The following COL24A1 variants were observed in gnomAD, a reference collection of about 807,000 sequenced individuals.
COL24A1 encodes collagen type XXIV alpha 1 chain, also known as collagen alpha-1(XXIV) chain.
Under a neutral mutation model 253.9 loss-of-function variants are expected in COL24A1, and 224 were observed. That is an observed-to-expected ratio of 0.88 (90% confidence interval 0.79 to 0.99). COL24A1 has a LOEUF of 0.99. Among genes scored for constraint, COL24A1 ranks in the 50% least tolerant of loss-of-function variants. The probability of loss-of-function intolerance (pLI) is 0.00; values close to 1 mark genes in which losing one functional copy is unlikely to be tolerated. For missense variants in COL24A1, 2,131 were observed against 2,068.5 expected (o/e 1.03, Z -0.59); for synonymous variants, 685 against 673.7 (o/e 1.02, Z -0.26).
chr1:86,106,500 C>T (rs990940645), intron 5 of COL24A1, among the ~76,000 whole-genome samples: 4 of 152,132 alleles, frequency 2.6e-5, no homozygotes, highest in African/African-American at 9.7e-5. Flanking sequence ...ATCTTGACCA[C>T]AGATTGCCTG....
intron 5 of COL24A1, among the ~76,000 whole-genome samples, chr1:86,112,119 A>G (rs777092068): frequency 2.6e-5 from 4 of 152,196 alleles, no homozygotes; most frequent in Non-Finnish European, 4.4e-5. Flanking sequence ...GTTTTCATAA[A>G]CATTTGTTCA....
At chr1:85,999,751 A>G (rs1271633933) in intron 19 of COL24A1, among the ~76,000 whole-genome samples, 1 of 152,212 alleles carries the variant, frequency 6.6e-6, no homozygotes. Context: ...CCCATCTACA[A>G]TGAGTATAAA....
chr1:86,031,813 T>A, intron 14 of COL24A1, 65 bp downstream of exon 14: 2 of 1,326,616 alleles, frequency 1.5e-6, no homozygotes, highest in East Asian at 2.4e-5. Context: ...CAAAAACACA[T>A]CTAACACATA....
chr1:85,969,178 T>C (rs914907727), intron 22 of COL24A1, among the ~76,000 whole-genome samples: 6 of 152,184 alleles, frequency 3.9e-5, no homozygotes, highest in Non-Finnish European at 8.8e-5. Flanking sequence ...AGTTTTTCTG[T>C]TAAATAATTC....
intron 19 of COL24A1, among the ~76,000 whole-genome samples, chr1:85,991,073 A>C (rs1379312274): frequency 6.6e-6 from 1 of 152,246 alleles, no homozygotes; most frequent in Non-Finnish European, 1.5e-5. Flanking sequence ...ACACAAAAAG[A>C]GATCACCAGA....
At chr1:85,881,415 G>C (rs766213463) in intron 32 of COL24A1, among the ~76,000 whole-genome samples, 1 of 151,816 alleles carries the variant, frequency 6.6e-6, no homozygotes, top group Non-Finnish European at 1.5e-5. Context: ...TCAGGAGTTT[G>C]AGACCAGCCT....
chr1:85,799,397 A>C (rs1671191795), intron 47 of COL24A1, among the ~76,000 whole-genome samples: 1 of 151,590 alleles, frequency 6.6e-6, no homozygotes, highest in African/African-American at 2.4e-5. Flanking sequence ...AAAAAAAAAA[A>C]AAAAAAAAAC....
intron 47 of COL24A1, among the ~76,000 whole-genome samples, chr1:85,814,190 T>A (rs568094914): frequency 6.6e-6 from 1 of 152,202 alleles, no homozygotes; most frequent in African/African-American, 2.4e-5. Context: ...AAAGTCCTAA[T>A]TGGGTTATAG....
intron 12 of COL24A1, among the ~76,000 whole-genome samples, chr1:86,039,283 T>C (rs575436577): frequency 5.9e-5 from 9 of 152,288 alleles, no homozygotes; most frequent in African/African-American, 1.7e-4. Context: ...CCTGAATACA[T>C]GTATGTGATA....
At position 86,126,062 on chromosome 1, in the gene COL24A1, T is replaced by C; in HGVS notation, c.274A>G (p.Thr92Ala). ...ACTGGTAAAATTTTCACGAAAGGTG[T>C]CTCGATATAAGCATCATTTTTAAAA... ...VIFKNDAYIE[T>A]PFVKILPVNL... is the part of the protein sequence containing the mutation. Residue 92 changes from threonine to alanine, a missense_variant, in exon 3 of 60, where the codon ACA (threonine) becomes GCA (alanine). Transcript: ENST00000370571. The C allele has an allele frequency of 1.2e-6, 2 of 1,613,586 alleles. No individual in the cohort carries two copies.
At chr1:85,799,683 T>C (rs1671228545) in intron 47 of COL24A1, among the ~76,000 whole-genome samples, 2 of 152,190 alleles carry the variant, frequency 1.3e-5, no homozygotes, top group African/African-American at 4.8e-5. Flanking sequence ...TCCATGTACA[T>C]AAATACCAAC....
At chr1:85,819,717 G>A (rs537257892) in intron 45 of COL24A1, among the ~76,000 whole-genome samples, 1 of 152,046 alleles carries the variant, frequency 6.6e-6, no homozygotes, top group African/African-American at 2.4e-5. Flanking sequence ...TCCCATGAAA[G>A]GGGATAAAGA....
intron 3 of COL24A1, among the ~76,000 whole-genome samples, chr1:86,121,797 C>T (rs368422082): frequency 6.6e-6 from 1 of 151,970 alleles, no homozygotes. Flanking sequence ...ATGGAACCAA[C>T]CAATATTTGG....
intron 7 of COL24A1, among the ~76,000 whole-genome samples, chr1:86,071,101 A>G (rs1701841349): frequency 6.6e-6 from 1 of 152,210 alleles, no homozygotes; most frequent in African/African-American, 2.4e-5. Context: ...AAATGAAGTT[A>G]AGGCATAGAG....
intron 14 of COL24A1, among the ~76,000 whole-genome samples, chr1:86,029,611 ATT>A (rs199577782): frequency 0.12 from 15,470 of 129,430 alleles, 1,479 homozygotes; most frequent in African/African-American, 0.27. Flanking sequence ...TATTTATTTG[ATT>A]TTTTTTTTTT....
intron 31 of COL24A1, 94 bp from the exon 32 acceptor site, chr1:85,889,707 C>T (rs1682903056): frequency 9.4e-7 from 1 of 1,068,172 alleles, no homozygotes; most frequent in Non-Finnish European, 1.4e-6. Context: ...ATCCTTCCAC[C>T]CAACTTTTCT....
intron 31 of COL24A1, among the ~76,000 whole-genome samples, chr1:85,894,497 C>T (rs1422104935): frequency 6.6e-6 from 1 of 151,870 alleles, no homozygotes; most frequent in East Asian, 1.9e-4. Context: ...TTATTTTCAG[C>T]TCATCAATGA....
chr1:85,773,183 T>C (rs923012704), intron 53 of COL24A1, among the ~76,000 whole-genome samples: 1 of 152,204 alleles, frequency 6.6e-6, no homozygotes, highest in African/African-American at 2.4e-5. Context: ...TGGTGGTAGA[T>C]GTGTGGTGTT....
chr1:86,154,600 C>T (rs1262524189), intron 1 of COL24A1: 1 of 152,730 alleles, frequency 6.5e-6, no homozygotes, highest in Non-Finnish European at 1.5e-5. Flanking sequence ...TTACAAACCC[C>T]AAACTGCCCA....
Sources: gnomAD v4.1 joint callset for allele counts (sites outside exome capture counted in the v4.1 genomes callset) on GRCh38, gnomAD v4.1.1 for gene constraint, MANE v1.5 for transcripts, NCBI Gene and HGNC (gene_info 2026-07-23, HGNC 2026-07-21) for gene names.